MATR3: variants seen among roughly 807,000 people sequenced by gnomAD.
The protein encoded by MATR3 is matrin 3.
A neutral mutation model predicts 85.5 loss-of-function variants in MATR3; 4 were observed. That is an observed-to-expected ratio of 0.05 (90% CI 0.02 to 0.11). MATR3 has a LOEUF of 0.11. Among genes scored for constraint, MATR3 ranks in the 10% least tolerant of loss-of-function variants. MATR3 has a pLI of 1.00. For synonymous variants in MATR3, 336 were observed against 343.1 expected (o/e 0.98, Z 0.23); for missense variants, 685 against 1,016.1 (o/e 0.67, Z 4.43).
intron 12 of MATR3, among the ~76,000 whole-genome samples, chr5:139,323,927 C>T (rs1377563498): frequency 1.3e-5 from 2 of 151,900 alleles, no homozygotes; most frequent in African/African-American, 2.4e-5. Flanking sequence ...AGATTTTTGC[C>T]ATCCTATTCC....
At chr5:139,319,823 A>G (rs58582481) in intron 9 of MATR3, among the ~76,000 whole-genome samples, 376 of 141,724 alleles carry the variant, frequency 2.7e-3, no homozygotes, top group African/African-American at 9.4e-3. Context: ...CAGCCTGGGC[A>G]GCAGAGCGAG....
chr5:139,327,304 GTT>G (rs1194649334), intron 14 of MATR3, among the ~76,000 whole-genome samples: 26 of 119,092 alleles, frequency 2.2e-4, no homozygotes, highest in African/African-American at 3.5e-4. Context: ...TGTCACTTCT[GTT>G]TTTTTTTTTT....
At chr5:139,300,538 A>G (rs1331580915) in intron 1 of MATR3, among the ~76,000 whole-genome samples, 2 of 152,186 alleles carry the variant, frequency 1.3e-5, no homozygotes, top group East Asian at 3.8e-4. Context: ...AGTTTTTCTC[A>G]TCTAAAAATA....
intron 3 of MATR3, chr5:139,285,374 A>G (rs1403144931): frequency 1.3e-5 from 2 of 152,224 alleles, no homozygotes; most frequent in Non-Finnish European, 2.9e-5. Flanking sequence ...GCCTTAATGA[A>G]TGCCACATTC....
chr5:139,313,473 A>G (rs1018708778), intron 2 of MATR3: 1 of 152,142 alleles, frequency 6.6e-6, no homozygotes, highest in Non-Finnish European at 1.5e-5. Flanking sequence ...AAAGATTCAC[A>G]TCTTTGTAAT....
At chr5:139,325,766 C>A in intron 13 of MATR3, 104 bp downstream of exon 13, 1 of 1,004,782 alleles carries the variant, frequency 1.0e-6, no homozygotes, top group Non-Finnish European at 1.5e-6. Context: ...GCTGTGATAG[C>A]ATTTTAAATT....
At position 139,321,985 on chromosome 5, in the gene MATR3, G is replaced by A; in HGVS notation, c.1690G>A (p.Val564Met). 6.2e-7 allele frequency: 1 copy of A among 1,614,088 alleles called. No homozygotes were observed. The highest frequency in any genetic ancestry group is 8.5e-7 in the Non-Finnish European group (1 of 1,179,976). The change falls in exon 10 of 15, where the codon GTG becomes ATG. Residue 564 changes from valine (V) to methionine (M), a missense_variant. Physicochemically the swap from Val to Met is conservative, Grantham distance 21. Around this residue, in one of 9 missense-constraint regions of MATR3, gnomAD observed 50 missense variants for 133.4 expected, o/e 0.37. Coordinates refer to ENST00000394805, the MANE Select transcript of MATR3 (RefSeq NM_018834.6). ...KKALWFQGRC[V>M]KVDLSEKYKK... Reference sequence around the variant, plus strand: ...AGCCCTTTGGTTTCAGGGGAGATGTGTGAAGGTTGACCTGTCTGAGAAATA... The same window carrying A: ...AGCCCTTTGGTTTCAGGGGAGATGTATGAAGGTTGACCTGTCTGAGAAATA...
At chr5:139,324,919 C>T (rs1007058416) in intron 12 of MATR3, among the ~76,000 whole-genome samples, 7 of 152,144 alleles carry the variant, frequency 4.6e-5, no homozygotes, top group Admixed American at 1.3e-4. Flanking sequence ...CGGCCGGGCA[C>T]GGTGGCTCAC....
At chr5:139,305,747 A>C (rs1020584348) in intron 1 of MATR3, among the ~76,000 whole-genome samples, 1 of 152,108 alleles carries the variant, frequency 6.6e-6, no homozygotes, top group African/African-American at 2.4e-5. Flanking sequence ...TCTCAAATTC[A>C]TCTTTCTTGG....
In MATR3 at chr5:139,307,115, C is replaced by A. The variant is rs942335869; in HGVS notation, c.-177-124C>A. The A allele has an allele frequency of 1.8e-6, 1 of 555,432 alleles. No individual in the cohort carries two copies. Among genetic ancestry groups the A allele is most frequent in the Admixed American group, 5.1e-5 (1 of 19,684 alleles). The allele number at this position is 555,432 out of a possible 1,614,324, so 34.4% of individuals were successfully genotyped here. On this transcript the variant is annotated intron_variant, in intron 1 of 14. Transcript: ENST00000394805. The surrounding 1 kb of genome is among the most constrained non-coding windows in gnomAD (Gnocchi z 4.4). ...ATCTGTTTAAGATATGTAATAAATT[C>A]CTTGTAAGTTTGAGATCTTAAATGT...
chr5:139,306,894 A>G (rs1294044697), intron 1 of MATR3, among the ~76,000 whole-genome samples: 1 of 152,150 alleles, frequency 6.6e-6, no homozygotes, highest in Non-Finnish European at 1.5e-5. Context: ...CTTAAGCATC[A>G]TACTATAGGG....
chr5:139,288,807 A>AT (rs996350899), upstream of MATR3, among the ~76,000 whole-genome samples: 7 of 151,506 alleles, frequency 4.6e-5, no homozygotes, highest in East Asian at 1.9e-4. Flanking sequence ...CGCCCAGCTA[A>AT]TTTTTTTTGT....
intron 3 of MATR3, among the ~76,000 whole-genome samples, chr5:139,282,132 A>G (rs1753552897): frequency 6.6e-6 from 1 of 152,264 alleles, no homozygotes; most frequent in Admixed American, 6.5e-5. Context: ...AGAGCAACTA[A>G]TTAAGAACTT....
At chr5:139,312,826 A>G (rs1755058221) in intron 2 of MATR3, 1 of 151,678 alleles carries the variant, frequency 6.6e-6, no homozygotes, top group Admixed American at 6.6e-5. Context: ...TAATTTTTGT[A>G]TTTTTAATAA....
At chr5:139,311,125 G>A (rs1754949078) in intron 2 of MATR3, 1 of 152,222 alleles carries the variant, frequency 6.6e-6, no homozygotes, top group Non-Finnish European at 1.5e-5. Context: ...GCAATCTCAA[G>A]CTTTCTCAGC....
chr5:139,300,478 A>G (rs1754381548), intron 1 of MATR3, among the ~76,000 whole-genome samples: 1 of 152,210 alleles, frequency 6.6e-6, no homozygotes, highest in Admixed American at 6.5e-5. Context: ...TAAAAAGTTT[A>G]TAAGCTCTTT....
intron 5 of MATR3, 24 bp from the exon 6 acceptor site, chr5:139,317,029 T>G: frequency 6.2e-7 from 1 of 1,607,724 alleles, no homozygotes; most frequent in Non-Finnish European, 8.5e-7. Context: ...ATTACAAGAC[T>G]GAAAACTTTC....
rs552776802 is a variant in MATR3 at position 139,322,708 on chromosome 5, A to C, written c.1889A>C (p.Lys630Thr). The stretch of plus-strand genomic sequence containing the variant: ...ACCGAAGGTAAAGAACAAGAAGAGA[A>C]GTCCGGTGAAGATGGTGAGAAAGAC... ...SSTEGKEQEE[K>T]SGEDGEKDTK... Residue 630 changes from lysine to threonine, a missense_variant, in exon 12 of 15, where the codon AAG becomes ACG. Lys to Thr is a moderately conservative substitution (Grantham distance 78). Around this residue, in one of 9 missense-constraint regions of MATR3, gnomAD observed 215 missense variants for 194.7 expected, o/e 1.10. Transcript: ENST00000394805. 1 of 1,614,214 alleles carries C rather than the reference A, an allele frequency of 6.2e-7. No individual in the cohort carries two copies. The highest frequency in any genetic ancestry group is 1.3e-5 in the African/African-American group (1 of 75,070).
chr5:139,288,695 C>A (rs1450273474), intron 3 of MATR3, among the ~76,000 whole-genome samples: 1 of 152,074 alleles, frequency 6.6e-6, no homozygotes, highest in African/African-American at 2.4e-5. Context: ...GGCTGGAGTG[C>A]AGTGGCACAA....
Sources: gnomAD v4.1 joint callset for allele counts (sites outside exome capture counted in the v4.1 genomes callset) on GRCh38, gnomAD v4.1.1 for gene constraint, gnomAD v4.1.1 regional missense constraint, Gnocchi (gnomAD v3.1) non-coding constraint, MANE v1.5 for transcripts, NCBI Gene and HGNC (gene_info 2026-07-23, HGNC 2026-07-21) for gene names.